Variants in PACRGL observed in about 807,000 individuals in gnomAD.
PACRGL encodes the protein PACRG-like protein.
In PACRGL, 38 loss-of-function variants were observed where a neutral mutation model predicts 34.5. That is an observed-to-expected ratio of 1.10 (90% CI 0.85 to 1.44). The LOEUF (loss-of-function observed/expected upper bound fraction) is 1.44. PACRGL is among the 40% of genes most tolerant of loss of function. PACRGL has a pLI of 0.00. For missense variants in PACRGL, 305 were observed against 281.4 expected (o/e 1.08, Z -0.60); for synonymous variants, 128 against 100.1 (o/e 1.28, Z -1.66).
intron 1 of PACRGL, 137 bp from the exon 2 acceptor site, chr4:20,704,319 TAGTCTTTTCC>T (rs1733579172): frequency 1.6e-6 from 1 of 630,272 alleles, no homozygotes; most frequent in East Asian, 2.8e-5. Context: ...GTTTTCTCAT[TAGTCTTTTCC>T]AGTATTTTGC....
chr4:20,756,774 T>G (rs1754506953), downstream of PACRGL, among the ~76,000 whole-genome samples: 1 of 152,110 alleles, frequency 6.6e-6, no homozygotes, highest in South Asian at 2.1e-4. Flanking sequence ...TCATTTCATT[T>G]CTGAACTATC....
chr4:20,734,680 T>G (rs780880706), downstream of PACRGL: 2 of 1,603,960 alleles, frequency 1.2e-6, no homozygotes, highest in Non-Finnish European at 1.7e-6. Flanking sequence ...AAATGCCCAA[T>G]TGAGTTTTTC....
chr4:20,731,567 C>G lies in PACRGL; in HGVS notation c.*4226C>G. ...CATTTCTTGTCCACATACACTAAAA[C>G]AATGACTTTTCTCTTAGAAATCAGA... On this transcript the variant is annotated 3_prime_UTR_variant, in exon 9 of 9. Transcript: ENST00000503585. 2 of 985,370 alleles carry G rather than the reference C, an allele frequency of 2.0e-6. No individual in the cohort carries two copies. The highest frequency in any genetic ancestry group is 2.4e-6 in the Non-Finnish European group (2 of 829,904). The allele number at this position is 985,370 out of a possible 1,614,324, so 61.0% of individuals were successfully genotyped here.
intron 8 of PACRGL, among the ~76,000 whole-genome samples, chr4:20,738,803 A>C (rs7660187): frequency 3.2e-4 from 49 of 151,914 alleles, no homozygotes; most frequent in Non-Finnish European, 6.0e-4. Flanking sequence ...CGCCTCACCC[A>C]GGAAGCGCAA....
rs1174662830 is a variant in PACRGL, at chr4:20,729,129, G to GGCTT, written c.*1790_*1793dup. ...AAGGTTTCTTTCTTTGTCCCTGAAT[G>GGCTT]GCTTGTAATATAAATAAACATGCTG... On this transcript the variant is annotated 3_prime_UTR_variant, in exon 9 of 9. Coordinates refer to ENST00000503585, the MANE Select transcript of PACRGL (RefSeq NM_001258345.3). The GGCTT allele has an allele frequency of 1.3e-5, 2 of 152,476 alleles. No individual in the cohort carries two copies. The highest frequency in any genetic ancestry group is 2.9e-5 in the Non-Finnish European group (2 of 68,012). 9.4% of individuals were successfully genotyped at this position (152,476 alleles called of 1,614,324 possible). A position where few individuals can be genotyped will look rare whatever the true frequency, so the allele number is the denominator to read the frequency against.
upstream of PACRGL, among the ~76,000 whole-genome samples, chr4:20,697,899 A>G (rs2149012263): frequency 6.6e-6 from 1 of 152,268 alleles, no homozygotes. Flanking sequence ...CTTCATCGCC[A>G]CCCAAAAGCC....
chr4:20,702,900 A>G (rs1158712548), intron 1 of PACRGL, among the ~76,000 whole-genome samples: 3 of 152,168 alleles, frequency 2.0e-5, no homozygotes, highest in African/African-American at 4.8e-5. Context: ...GGATGAGATA[A>G]ATGAGATCAA....
In PACRGL at chr4:20,729,424, T is replaced by TATTAAAATAAGTTTTATTAAATGCC. The variant is rs1295015050; in HGVS notation, c.*2083_*2084insATTAAAATAAGTTTTATTAAATGCC. 6.6e-6 allele frequency: 1 copy of TATTAAAATAAGTTTTATTAAATGCC among 152,280 alleles called. No individual in the cohort carries two copies. Among genetic ancestry groups the TATTAAAATAAGTTTTATTAAATGCC allele is most frequent in the African/African-American group, 2.4e-5 (1 of 41,318 alleles). The allele number at this position is 152,280 out of a possible 1,614,324, so 9.4% of individuals were successfully genotyped here. A position where few individuals can be genotyped will look rare whatever the true frequency, so the allele number is the denominator to read the frequency against. ...TAACATATTATGGAAAATTAAATGCTTATTAAAATAAGTTTTATTAGGCAT... is the reference window on the plus strand; with the variant it reads ...TAACATATTATGGAAAATTAAATGCTATTAAAATAAGTTTTATTAAATGCCTATTAAAATAAGTTTTATTAGGCAT... On this transcript the variant is annotated 3_prime_UTR_variant, in exon 9 of 9. Coordinates refer to ENST00000503585, the MANE Select transcript of PACRGL (RefSeq NM_001258345.3).
chr4:20,736,589 A>G (rs933099913), downstream of PACRGL, among the ~76,000 whole-genome samples: 2 of 152,018 alleles, frequency 1.3e-5, no homozygotes, highest in African/African-American at 4.8e-5. Flanking sequence ...ACTTTTTTCT[A>G]ATTATATGGC....
At chr4:20,756,256 G>A (rs1383985085), downstream of PACRGL, among the ~76,000 whole-genome samples, 2 of 151,736 alleles carry the variant, frequency 1.3e-5, no homozygotes, top group Non-Finnish European at 2.9e-5. Flanking sequence ...CCCCTATATT[G>A]AGTAGATGTC....
At chr4:20,734,107 T>G (rs1360880211), downstream of PACRGL, among the ~76,000 whole-genome samples, 1 of 152,178 alleles carries the variant, frequency 6.6e-6, no homozygotes, top group African/African-American at 2.4e-5. Context: ...ATCCCTTTCT[T>G]TACTTCTCGC....
chr4:20,700,159 T>C (rs1731573277), upstream of PACRGL, among the ~76,000 whole-genome samples: 1 of 152,162 alleles, frequency 6.6e-6, no homozygotes, highest in South Asian at 2.1e-4. Flanking sequence ...GAAAAGCGTT[T>C]AGGAGTTAAG....
chr4:20,737,354 T>C (rs568563590), downstream of PACRGL, among the ~76,000 whole-genome samples: 4 of 152,242 alleles, frequency 2.6e-5, no homozygotes, highest in African/African-American at 7.2e-5. Flanking sequence ...CAGCAAGTGA[T>C]AGGGAACGGT....
the PACRGL span, among the ~76,000 whole-genome samples, chr4:20,758,413 T>G: frequency 1.3e-5 from 2 of 152,298 alleles, no homozygotes; most frequent in South Asian, 4.1e-4. Flanking sequence ...GCAAACCATT[T>G]ACCTTCTCCA....
the PACRGL span, among the ~76,000 whole-genome samples, chr4:20,760,322 A>G: frequency 1.3e-5 from 2 of 152,152 alleles, no homozygotes; most frequent in African/African-American, 2.4e-5. Flanking sequence ...GACTTTAGAC[A>G]TGAATATTCT....
chr4:20,713,474 C>T lies in PACRGL; in HGVS notation c.544C>T (p.Leu182=), dbSNP rs750811099. The change falls in exon 7 of 9, where the codon CTA becomes TTA. Residue 182 remains leucine (L), a synonymous_variant. Transcript: ENST00000503585. Reference sequence around the variant, plus strand: ...AGTGTTTGAAAGAGGATTGAATGCTCTAGTTCAGCTAAGTGTCGTTGTTGG... The same window carrying T: ...AGTGTTTGAAAGAGGATTGAATGCTTTAGTTCAGCTAAGTGTCGTTGTTGG... ...DEVFERGLNA[L]VQLSVVVGPS... 2.2e-5 allele frequency: 36 copies of T among 1,613,632 alleles called. No homozygotes were observed. Among genetic ancestry groups the T allele is most frequent in the Middle Eastern group, 1.6e-4 (1 of 6,080 alleles).
downstream of PACRGL, among the ~76,000 whole-genome samples, chr4:20,754,001 A>G (rs184866768): frequency 9.8e-5 from 15 of 152,298 alleles, no homozygotes; most frequent in African/African-American, 3.6e-4. Context: ...ATGAGCAGGA[A>G]TAGCCCAGGA....
At chr4:20,707,297 A>G (rs1409809482) in intron 3 of PACRGL, among the ~76,000 whole-genome samples, 1 of 152,202 alleles carries the variant, frequency 6.6e-6, no homozygotes, top group Non-Finnish European at 1.5e-5. Flanking sequence ...TTATATATCT[A>G]AGAAAATACA....
chr4:20,762,126 C>T, the PACRGL span, among the ~76,000 whole-genome samples: 1 of 152,156 alleles, frequency 6.6e-6, no homozygotes, highest in South Asian at 2.1e-4. Context: ...AAGTCTAAGA[C>T]CATAGGATTA....
Sources: allele counts gnomAD v4.1 joint callset (sites outside exome capture counted in the v4.1 genomes callset), GRCh38; gene constraint gnomAD v4.1.1; transcripts MANE v1.5; gene names NCBI Gene and HGNC (gene_info 2026-07-23, HGNC 2026-07-21).